Variants in ATL3 observed in about 807,000 individuals in gnomAD.
The protein encoded by ATL3 is atlastin GTPase 3.
Under a neutral mutation model 69.5 loss-of-function variants are expected in ATL3, and 49 were observed. That is an observed-to-expected ratio of 0.71 (90% CI 0.56 to 0.89). The LOEUF is 0.89. Ranked by LOEUF, ATL3 falls within the 40% of genes least tolerant of loss-of-function variation. The pLI is 0.00. For missense variants in ATL3, 606 were observed against 645.7 expected (o/e 0.94, Z 0.67); for synonymous variants, 214 against 224.1 (o/e 0.95, Z 0.40).
intron 1 of ATL3, among the ~76,000 whole-genome samples, chr11:63,662,573 C>T (rs552575817): frequency 3.3e-5 from 5 of 152,246 alleles, no homozygotes; most frequent in South Asian, 4.1e-4. Context: ...TCTGCCTCTC[C>T]GGCCCAAGTC....
At chr11:63,636,950 T>C (rs1438457334) in intron 8 of ATL3, among the ~76,000 whole-genome samples, 1 of 152,124 alleles carries the variant, frequency 6.6e-6, no homozygotes, top group Admixed American at 6.5e-5. Context: ...GGATATCTGG[T>C]CTACTCCCTA....
chr11:63,658,417 C>T (rs1940324031), intron 3 of ATL3, among the ~76,000 whole-genome samples: 2 of 152,026 alleles, frequency 1.3e-5, no homozygotes, highest in South Asian at 4.2e-4. Flanking sequence ...GCTACATAGC[C>T]CTAAGGAATA....
intron 8 of ATL3, 56 bp from the exon 9 acceptor site, chr11:63,636,390 A>C: frequency 6.2e-7 from 1 of 1,607,610 alleles, no homozygotes; most frequent in Non-Finnish European, 8.5e-7. Context: ...TATTCAACCA[A>C]GGTGAACACA....
rs1940088905 is a variant in ATL3 at position 63,651,836 on chromosome 11, C to T, written c.561+100G>A. On this transcript the variant is annotated intron_variant, in intron 5 of 12. Coordinates refer to ENST00000398868, the MANE Select transcript of ATL3 (RefSeq NM_015459.5). ...ACTATGAACCAAAAACCTTCCTCTA[C>T]ATTTCAATCTTTTGCTAAAAACTAC... 9 of 1,450,614 alleles carry T rather than the reference C, an allele frequency of 6.2e-6. 1 individual carries two copies. The South Asian group carries it at 1.3e-4, about 21-fold the overall frequency. The allele number at this position is 1,450,614 out of a possible 1,614,324, so 89.9% of individuals were successfully genotyped here.
At chr11:63,635,776 C>G (rs1478473597) in intron 9 of ATL3, among the ~76,000 whole-genome samples, 186 bp from the exon 10 acceptor site, 1 of 150,882 alleles carries the variant, frequency 6.6e-6, no homozygotes. Context: ...TAAAAATGTT[C>G]TCAAGCAGCA....
intron 5 of ATL3, among the ~76,000 whole-genome samples, chr11:63,647,837 T>C (rs973968586): frequency 3.0e-4 from 45 of 152,230 alleles, no homozygotes; most frequent in Admixed American, 1.6e-3. Flanking sequence ...GGATGGAAAA[T>C]AGACAAATGA....
intron 8 of ATL3, among the ~76,000 whole-genome samples, chr11:63,639,959 G>A (rs679365): frequency 0.034 from 5,127 of 149,952 alleles, 123 homozygotes; most frequent in Non-Finnish European, 0.044. Flanking sequence ...ACAGAGTTTC[G>A]CTCTTGTTGC....
intron 8 of ATL3, among the ~76,000 whole-genome samples, chr11:63,643,056 T>G (rs909354320): frequency 6.6e-6 from 1 of 152,244 alleles, no homozygotes. Context: ...TAATATTAGC[T>G]GACTAATGTT....
intron 6 of ATL3, among the ~76,000 whole-genome samples, chr11:63,645,577 AGAGT>A (rs1305265447): frequency 6.6e-6 from 1 of 151,738 alleles, no homozygotes; most frequent in Non-Finnish European, 1.5e-5. Context: ...AGAGAGACAG[AGAGT>A]GAGTGAGTGT....
chr11:63,636,909 G>A (rs1939537745), intron 8 of ATL3, among the ~76,000 whole-genome samples: 1 of 152,120 alleles, frequency 6.6e-6, no homozygotes, highest in Admixed American at 6.6e-5. Flanking sequence ...TACTATATAT[G>A]CAGAATATCT....
chr11:63,669,508 C>T (rs1307952500), intron 1 of ATL3, among the ~76,000 whole-genome samples: 3 of 151,036 alleles, frequency 2.0e-5, no homozygotes, highest in Non-Finnish European at 4.4e-5. Context: ...GCACTCCACC[C>T]TGGGCGAGAG....
chr11:63,669,797 A>T (rs1484976449), intron 1 of ATL3, among the ~76,000 whole-genome samples: 1 of 151,782 alleles, frequency 6.6e-6, no homozygotes, highest in African/African-American at 2.4e-5. Context: ...AAATACAAAA[A>T]ATTAGCTGGG....
Position 63,632,369 on chromosome 11 carries a change from C to A in ATL3, c.1107+657G>T. On this transcript the variant is annotated intron_variant, in intron 11 of 12. Transcript: ENST00000398868. ...GAGCCTACAATTCAAAATTCAGATACTGTCTTTGCACAAAATCTTAGTCGA... is the reference window on the plus strand; with the variant it reads ...GAGCCTACAATTCAAAATTCAGATAATGTCTTTGCACAAAATCTTAGTCGA... The A allele has an allele frequency of 6.7e-6, 6 of 894,374 alleles. 1 individual carries two copies. Among genetic ancestry groups the A allele is most frequent in the South Asian group, 6.5e-5 (5 of 76,756 alleles). 55.4% of individuals were successfully genotyped at this position (894,374 alleles called of 1,614,324 possible).
intron 11 of ATL3, among the ~76,000 whole-genome samples, chr11:63,631,688 G>GC (rs1360388872): frequency 6.6e-6 from 1 of 152,166 alleles, no homozygotes; most frequent in Non-Finnish European, 1.5e-5. Flanking sequence ...ATTGGAAAGA[G>GC]CAGTGACACT....
chr11:63,636,511 G>A (rs1360974424), intron 8 of ATL3, among the ~76,000 whole-genome samples, 177 bp from the exon 9 acceptor site: 2 of 152,188 alleles, frequency 1.3e-5, no homozygotes, highest in African/African-American at 4.8e-5. Flanking sequence ...GGCCGAGGCA[G>A]GTGGATTGCC....
At chr11:63,659,946 G>A (rs1940370818) in intron 1 of ATL3, among the ~76,000 whole-genome samples, 1 of 151,852 alleles carries the variant, frequency 6.6e-6, no homozygotes, top group African/African-American at 2.4e-5. Context: ...AAGTTAATGG[G>A]TGCAGCACAC....
intron 8 of ATL3, among the ~76,000 whole-genome samples, chr11:63,638,591 G>C (rs1461043405): frequency 2.6e-5 from 4 of 152,138 alleles, no homozygotes; most frequent in African/African-American, 9.7e-5. Flanking sequence ...TGTAATCCCA[G>C]CTACTCGGGA....
intron 7 of ATL3, 54 bp from the exon 8 acceptor site, chr11:63,643,549 TAG>T: frequency 6.6e-7 from 1 of 1,523,442 alleles, no homozygotes; most frequent in Non-Finnish European, 8.9e-7. Context: ...TTTTCTTCAC[TAG>T]GGACAACTAG....
intron 5 of ATL3, among the ~76,000 whole-genome samples, chr11:63,649,722 G>A (rs1940010958): frequency 6.6e-6 from 1 of 151,624 alleles, no homozygotes; most frequent in South Asian, 2.1e-4. Flanking sequence ...ACTTTCAGTA[G>A]AGACAGGGTT....
Sources: gnomAD v4.1 joint callset for allele counts (sites outside exome capture counted in the v4.1 genomes callset) on GRCh38, gnomAD v4.1.1 for gene constraint, MANE v1.5 for transcripts, NCBI Gene and HGNC (gene_info 2026-07-23, HGNC 2026-07-21) for gene names.